Variants in SPANXN5 observed in about 807,000 individuals in gnomAD.
The protein encoded by SPANXN5 is SPANX family member N5, also known as sperm protein associated with the nucleus on the X chromosome N5.
SPANXN5 carries 5 observed loss-of-function variants against 4.5 expected under a neutral mutation model. The ratio of observed to expected loss-of-function variants is 1.11; its 90% CI spans 0.58 to 2.33. The LOEUF (loss-of-function observed/expected upper bound fraction) is 2.33, where lower values mean the gene tolerates loss of function less well. Among genes scored for constraint, SPANXN5 ranks in the 30% most tolerant of loss-of-function variants. The pLI, the probability that SPANXN5 is intolerant of heterozygous loss-of-function variation, is 0.01. For synonymous variants in SPANXN5, 20 were observed against 20.4 expected (o/e 0.98, Z 0.05); for missense variants, 41 against 50.3 (o/e 0.82, Z 0.56).
At position 52,796,471 on chromosome X, in the gene SPANXN5, G is replaced by A; in HGVS notation, c.*17C>T. ...TCCTTCGTCCTCCTCCTCTTGGACT[G>A]GATTGATGGAGTTCTCTCAGGACTG... On this transcript the variant is annotated 3_prime_UTR_variant, in exon 2 of 2. Coordinates refer to ENST00000375511, the MANE Select transcript of SPANXN5 (RefSeq NM_001009616.4). 8.3e-7 allele frequency: 1 copy of A among 1,207,206 alleles called. No individual in the cohort carries two copies. Among genetic ancestry groups the A allele is most frequent in the African/African-American group, 1.7e-5 (1 of 57,823 alleles).
rs1926568548 is a variant in SPANXN5, at chrX:52,796,414, G to C, written c.*74C>G. ...TTCATCCTGCTTTGAAGATTCTGCA[G>C]ATGAGTCTAGGTCTTCGTCCTCCTG... On this transcript the variant is annotated 3_prime_UTR_variant, in exon 2 of 2. Coordinates refer to ENST00000375511, the MANE Select transcript of SPANXN5 (RefSeq NM_001009616.4). 3.5e-6 allele frequency: 4 copies of C among 1,155,334 alleles called. No individual in the cohort carries two copies. Among genetic ancestry groups the C allele is most frequent in the Non-Finnish European group, 4.7e-6 (4 of 859,051 alleles).
intron 1 of SPANXN5, 80 bp downstream of exon 1, chrX:52,797,194 C>A: frequency 9.6e-7 from 1 of 1,046,651 alleles, no homozygotes. Context: ...TGCAGTATTC[C>A]TGTGTTGCTG....
chrX:52,796,238 C>T lies in SPANXN5; in HGVS notation c.*250G>A, dbSNP rs1926564968. 5.1e-6 allele frequency: 2 copies of T among 395,623 alleles called. No homozygotes were observed. The highest frequency in any genetic ancestry group is 1.0e-4 in the South Asian group (2 of 19,722). 32.6% of individuals were successfully genotyped at this position (395,623 alleles called of 1,213,427 possible). On this transcript the variant is annotated 3_prime_UTR_variant, in exon 2 of 2. Coordinates refer to ENST00000375511, the MANE Select transcript of SPANXN5 (RefSeq NM_001009616.4). ...TCCATGTTTAATTAGTCTTCCTCAC[C>T]CTCCTCTGACGATCCTTCAGATGAG... is the stretch of plus-strand genomic sequence containing the variant.
intron 1 of SPANXN5, 145 bp downstream of exon 1, chrX:52,797,129 C>T: frequency 1.6e-6 from 1 of 641,464 alleles, no homozygotes; most frequent in South Asian, 2.5e-5. Context: ...GTACCCCAGG[C>T]TGTAAGCGGT....
At chrX:52,797,206 T>G in intron 1 of SPANXN5, 68 bp downstream of exon 1, 3 of 1,119,320 alleles carry the variant, frequency 2.7e-6, no homozygotes, top group Non-Finnish European at 2.5e-6. Context: ...GTGTTGCTGT[T>G]TGAGCTGCCC....
rs1926589413 is a variant in SPANXN5 at position 52,797,323 on chromosome X, T to C, written c.26A>G (p.Asn9Ser). ...ACAGGGGCTCTTCCTCTTCTCCCCA[T>C]TGGTGCTTGAAGTGGGCTTTTCCAT... MEKPTSST[N>S]GEKRKSPCDS... The change falls in exon 1 of 2, where the codon AAT becomes AGT. Residue 9 changes from asparagine to serine, a missense_variant. Asn to Ser is a conservative substitution (Grantham distance 46). Coordinates refer to ENST00000375511, the MANE Select transcript of SPANXN5 (RefSeq NM_001009616.4). 1.7e-6 allele frequency: 2 copies of C among 1,211,583 alleles called. No individual in the cohort carries two copies. The highest frequency in any genetic ancestry group is 3.5e-5 in the African/African-American group (2 of 57,815).
Position 52,796,580 on chromosome X carries a change from T to C in SPANXN5, c.127A>G (p.Met43Val), listed in dbSNP as rs143475795. The C allele has an allele frequency of 8.3e-7, 1 of 1,211,991 alleles. No individual in the cohort carries two copies. The highest frequency in any genetic ancestry group is 3.0e-5 in the East Asian group (1 of 33,862). Residue 43 changes from methionine to valine, a missense_variant, in exon 2 of 2, where the codon ATG becomes GTG. Physicochemically the swap from Met to Val is conservative, Grantham distance 21 (BLOSUM62 1). Transcript: ENST00000375511. ...ACTGTTGAATATTCTGATGTTTTCA[T>C]CTTTTTCAAACTCGGTTCGAGGACT... ...DLVLEPSLKKMKTSEYSTVLV... is the reference protein window; with the variant it reads ...DLVLEPSLKKVKTSEYSTVLV...
At chrX:52,796,690 C>T in intron 1 of SPANXN5, 59 bp from the exon 2 acceptor site, 1 of 1,190,723 alleles carries the variant, frequency 8.4e-7, no homozygotes, top group Non-Finnish European at 1.1e-6. Flanking sequence ...AGGATAGAGA[C>T]TGGATAGCAA....
intron 1 of SPANXN5, 147 bp downstream of exon 1, chrX:52,797,127 G>A: frequency 1.6e-6 from 1 of 631,148 alleles, no homozygotes. Context: ...AAGTACCCCA[G>A]GCTGTAAGCG....
chrX:52,796,542 G>A lies in SPANXN5; in HGVS notation c.165C>T (p.Cys55=). ...TSEYSTVLVL[C]YRKTKKIHSN... Reference sequence around the variant, plus strand: ...AATGTATTTTCTTAGTCTTCCTGTAGCACAACACTAATACTGTTGAATATT... The same window carrying A: ...AATGTATTTTCTTAGTCTTCCTGTAACACAACACTAATACTGTTGAATATT... Residue 55 remains cysteine, a synonymous_variant, in exon 2 of 2, where the codon TGC becomes TGT. Coordinates refer to ENST00000375511, the MANE Select transcript of SPANXN5 (RefSeq NM_001009616.4). 4 of 1,211,137 alleles carry A rather than the reference G, an allele frequency of 3.3e-6. No homozygotes were observed. Among genetic ancestry groups the A allele is most frequent in the Non-Finnish European group, 4.5e-6 (4 of 894,912 alleles).
At position 52,796,506 on chromosome X, in the gene SPANXN5, G is replaced by A. The variant is rs2806838; in HGVS notation, c.201C>T (p.Leu67=). 17 of 1,208,915 alleles carry A rather than the reference G, an allele frequency of 1.4e-5. No homozygotes were observed. In the African/African-American group the frequency reaches 1.6e-4, roughly 11 times the overall value. ...RKTKKIHSNQ[L]ENDQS ...AGTTCTCTCAGGACTGGTCATTCTC[G>A]AGTTGATTTGAATGTATTTTCTTAG... Residue 67 remains leucine (L), a synonymous_variant, in exon 2 of 2, where the codon CTC becomes CTT. Transcript: ENST00000375511.
At chrX:52,796,870 G>T (rs1926579997) in intron 1 of SPANXN5, among the ~76,000 whole-genome samples, 1 of 111,372 alleles carries the variant, frequency 9.0e-6, no homozygotes, top group Non-Finnish European at 1.9e-5. Flanking sequence ...GCAGACCTTG[G>T]TCAAAGTGAA....
intron 1 of SPANXN5, 142 bp from the exon 2 acceptor site, chrX:52,796,773 G>T: frequency 2.4e-6 from 2 of 841,714 alleles, no homozygotes; most frequent in Non-Finnish European, 3.4e-6. Flanking sequence ...TGACTCACAG[G>T]GTAGGGATCT....
At chrX:52,797,427 TG>T, upstream of SPANXN5, 1 of 1,046,135 alleles carries the variant, frequency 9.6e-7, no homozygotes, top group South Asian at 2.0e-5. Flanking sequence ...AGCTTCCCAG[TG>T]GCCCAGAGCT....
At position 52,796,947 on chromosome X, in the gene SPANXN5, G is replaced by A. The variant is rs138473765; in HGVS notation, c.76-316C>T. 1.2e-3 allele frequency among the ~76,000 whole-genome samples: 133 copies of A among 111,824 alleles called. 1 individual carries two copies. Among genetic ancestry groups the A allele is most frequent in the East Asian group, 7.6e-3 (27 of 3,543 alleles). On this transcript the variant is annotated intron_variant, in intron 1 of 1. Transcript: ENST00000375511. ...ACCACCTGTCCACAAGGCAGACAAA[G>A]GCCCAACTAAAGAAACATCCCTATC...
chrX:52,797,369 T>A lies in SPANXN5; in HGVS notation c.-21A>T. On this transcript the variant is annotated 5_prime_UTR_variant, in exon 1 of 2. Transcript: ENST00000375511. Reference sequence around the variant, plus strand: ...TCCATGATTCTGGTTGGTTGTTGAATGTCTACAGCAGGATCTTGTAGAGTC... The same window carrying A: ...TCCATGATTCTGGTTGGTTGTTGAAAGTCTACAGCAGGATCTTGTAGAGTC... The A allele has an allele frequency of 8.3e-7, 1 of 1,203,596 alleles. No homozygotes were observed. The highest frequency in any genetic ancestry group is 1.1e-6 in the Non-Finnish European group (1 of 888,201).
chrX:52,797,009 C>T (rs1251180027), intron 1 of SPANXN5, among the ~76,000 whole-genome samples: 1 of 111,341 alleles, frequency 9.0e-6, no homozygotes, highest in Non-Finnish European at 1.9e-5. Context: ...AACACCACAA[C>T]GATATTCCAC....
At position 52,796,557 on chromosome X, in the gene SPANXN5, T is replaced by C; in HGVS notation, c.150A>G (p.Thr50=). The C allele has an allele frequency of 1.7e-6, 2 of 1,211,728 alleles. No individual in the cohort carries two copies. Among genetic ancestry groups the C allele is most frequent in the South Asian group, 3.5e-5 (2 of 57,002 alleles). The change falls in exon 2 of 2, where the codon ACA becomes ACG. Residue 50 remains threonine (T), a synonymous_variant. Transcript: ENST00000375511. ...TCTTCCTGTAGCACAACACTAATAC[T>C]GTTGAATATTCTGATGTTTTCATCT... ...LKKMKTSEYS[T]VLVLCYRKTK... is the part of the protein sequence containing the mutation.
At position 52,796,334 on chromosome X, in the gene SPANXN5, C is replaced by A; in HGVS notation, c.*154G>T. On this transcript the variant is annotated 3_prime_UTR_variant, in exon 2 of 2. Transcript: ENST00000375511. The stretch of plus-strand genomic sequence containing the variant: ...TCTTCATCCTCTTGTGAAGATCCTT[C>A]AGATAACCCTAGGTCTTCATCCTCC... The A allele has an allele frequency of 1.2e-6, 1 of 804,127 alleles. No individual in the cohort carries two copies. The highest frequency in any genetic ancestry group is 1.8e-6 in the Non-Finnish European group (1 of 553,858). The allele number at this position is 804,127 out of a possible 1,213,427, so 66.3% of individuals were successfully genotyped here.
Sources: allele counts gnomAD v4.1 joint callset (sites outside exome capture counted in the v4.1 genomes callset), GRCh38; gene constraint gnomAD v4.1.1; transcripts MANE v1.5; gene names NCBI Gene and HGNC (gene_info 2026-07-23, HGNC 2026-07-21).